Variants in SLC5A8 observed in about 807,000 individuals in gnomAD.
The protein encoded by SLC5A8 is solute carrier family 5 member 8, also known as sodium-coupled monocarboxylate transporter 1.
In SLC5A8, 55 loss-of-function variants were observed where a neutral mutation model predicts 71.9. The observed-to-expected ratio is 0.77, with a 90% CI of 0.62 to 0.96. The LOEUF (loss-of-function observed/expected upper bound fraction) is 0.96, where lower values mean the gene tolerates loss of function less well. SLC5A8 is among the 40% of genes least tolerant of loss of function. SLC5A8 has a pLI of 0.00. For synonymous variants in SLC5A8, 307 were observed against 276.1 expected (o/e 1.11, Z -1.11); for missense variants, 701 against 745.3 (o/e 0.94, Z 0.69).
rs1869031971 is a variant in SLC5A8 at position 101,193,714 on chromosome 12, T to C, written c.603A>G (p.Ala201=). 6.2e-7 allele frequency: 1 copy of C among 1,614,082 alleles called. No individual in the cohort carries two copies. The highest frequency in any genetic ancestry group is 8.5e-7 in the Non-Finnish European group (1 of 1,180,040). The change falls in exon 5 of 15, where the codon GCA becomes GCG. Residue 201 remains alanine, a synonymous_variant. Transcript: ENST00000536262. Reference sequence around the variant, plus strand: ...TCACCACAGCCTGTATAATCACGGATGCAAATCCAGCCACCATGATCCCAA... The same window carrying C: ...TCACCACAGCCTGTATAATCACGGACGCAAATCCAGCCACCATGATCCCAA... ...FQVGIMVAGF[A]SVIIQAVVMQ...
chr12:101,157,594 T>C (rs1798059172), intron 14 of SLC5A8, among the ~76,000 whole-genome samples, 193 bp from the exon 15 acceptor site: 2 of 152,134 alleles, frequency 1.3e-5, no homozygotes, highest in Admixed American at 1.3e-4. Context: ...TATCAGAAGA[T>C]AGATACAAAA....
At chr12:101,176,581 G>A (rs148293196) in intron 10 of SLC5A8, among the ~76,000 whole-genome samples, 114 of 152,072 alleles carry the variant, frequency 7.5e-4, no homozygotes, top group Non-Finnish European at 1.4e-3. Context: ...AAATCATAAA[G>A]AGTGTGTTCT....
intron 13 of SLC5A8, among the ~76,000 whole-genome samples, chr12:101,160,709 C>G (rs1253526593): frequency 1.3e-5 from 2 of 152,042 alleles, no homozygotes; most frequent in Admixed American, 6.6e-5. Flanking sequence ...ACAGACTATT[C>G]TCAAAATTGG....
At chr12:101,181,646 T>A (rs1307510182) in intron 9 of SLC5A8, among the ~76,000 whole-genome samples, 1 of 152,206 alleles carries the variant, frequency 6.6e-6, no homozygotes, top group East Asian at 1.9e-4. Context: ...GCTAGTAAAT[T>A]AACAAAGCAA....
At chr12:101,197,252 A>G (rs1318379651) in intron 3 of SLC5A8, among the ~76,000 whole-genome samples, 2 of 152,254 alleles carry the variant, frequency 1.3e-5, no homozygotes, top group African/African-American at 4.8e-5. Context: ...TTCTCTTTAT[A>G]GCAGTATTCC....
chr12:101,181,250 C>T (rs775630976), intron 9 of SLC5A8, among the ~76,000 whole-genome samples: 14 of 152,070 alleles, frequency 9.2e-5, no homozygotes, highest in South Asian at 8.3e-4. Flanking sequence ...ATGATTTTTA[C>T]GCCTCTCAAT....
rs1440482159 is a variant in SLC5A8 at position 101,157,052 on chromosome 12, A to G, written c.*227T>C. On this transcript the variant is annotated 3_prime_UTR_variant, in exon 15 of 15. Coordinates refer to ENST00000536262, the MANE Select transcript of SLC5A8 (RefSeq NM_145913.5). ...TTTTCACAATTATAGCTTCATCGAA[A>G]TAAAGGAAAGAGAGGGAAATGTCAA... is the stretch of plus-strand genomic sequence containing the variant. 2 of 471,388 alleles carry G rather than the reference A, an allele frequency of 4.2e-6. No individual in the cohort carries two copies. Among genetic ancestry groups the G allele is most frequent in the Non-Finnish European group, 7.4e-6 (2 of 268,838 alleles). The allele number at this position is 471,388 out of a possible 1,614,324, so 29.2% of individuals were successfully genotyped here. A position where few individuals can be genotyped will look rare whatever the true frequency, so the allele number is the denominator to read the frequency against.
At chr12:101,191,435 G>A (rs546208448) in intron 5 of SLC5A8, among the ~76,000 whole-genome samples, 7 of 152,160 alleles carry the variant, frequency 4.6e-5, no homozygotes, top group Non-Finnish European at 7.4e-5. Flanking sequence ...GATCAGTTAA[G>A]TGCTCTAATT....
chr12:101,195,230 A>T (rs1869119556), intron 3 of SLC5A8, 68 bp from the exon 4 acceptor site: 1 of 1,524,512 alleles, frequency 6.6e-7, no homozygotes. Flanking sequence ...CTCAAAAATC[A>T]TCAGAGAAGG....
chr12:101,178,269 C>T (rs763210229), intron 10 of SLC5A8, among the ~76,000 whole-genome samples: 1 of 151,978 alleles, frequency 6.6e-6, no homozygotes, highest in Non-Finnish European at 1.5e-5. Flanking sequence ...AATATTTAAG[C>T]AAGATTTTTT....
chr12:101,209,358 A>AAGGG, intron 1 of SLC5A8, 140 bp downstream of exon 1: 1 of 659,910 alleles, frequency 1.5e-6, no homozygotes, highest in Non-Finnish European at 2.5e-6. Context: ...GGGAGGAGTG[A>AAGGG]AGGGAGGGTG....
chr12:101,185,045 T>C (rs1868570856), intron 7 of SLC5A8, among the ~76,000 whole-genome samples: 1 of 152,206 alleles, frequency 6.6e-6, no homozygotes, highest in Non-Finnish European at 1.5e-5. Context: ...ACAGAGTAGA[T>C]GACATGTCCT....
In SLC5A8 at chr12:101,209,518, C is replaced by G. The variant is rs142523691; in HGVS notation, c.331G>C (p.Gly111Arg). The G allele has an allele frequency of 3.0e-4, 478 of 1,609,238 alleles. 3 individuals carry two copies. The African/African-American group carries it at 5.7e-3, about 19-fold the overall frequency. Reference sequence around the variant, plus strand: ...CTTACCTCGTAGGTGCTGGTAATTCCCAGTTTGTAGAACACCGGGAGGAAG... The same window carrying G: ...CTTACCTCGTAGGTGCTGGTAATTCGCAGTTTGTAGAACACCGGGAGGAAG... ...EVFLPVFYKL[G>R]ITSTYEYLEL... The change falls in exon 1 of 15, where the codon GGA (glycine) becomes CGA (arginine). Residue 111 changes from glycine (G) to arginine (R), a missense_variant. Coordinates refer to ENST00000536262, the MANE Select transcript of SLC5A8 (RefSeq NM_145913.5).
At chr12:101,188,278 A>G (rs888461862) in intron 6 of SLC5A8, among the ~76,000 whole-genome samples, 1 of 152,208 alleles carries the variant, frequency 6.6e-6, no homozygotes, top group Admixed American at 6.5e-5. Flanking sequence ...ACCCCTGTTA[A>G]ATACTAGTTA....
chr12:101,209,968 T>A lies in SLC5A8; in HGVS notation c.-120A>T. On this transcript the variant is annotated 5_prime_UTR_variant, in exon 1 of 15. Coordinates refer to ENST00000536262, the MANE Select transcript of SLC5A8 (RefSeq NM_145913.5). Reference sequence around the variant, plus strand: ...CGCAGGCGTGGCGTCCCGCGGGGACTGGAGGCGTCCTCCAGGTGTCGGCCT... The same window carrying A: ...CGCAGGCGTGGCGTCCCGCGGGGACAGGAGGCGTCCTCCAGGTGTCGGCCT... The A allele has an allele frequency of 1.1e-6, 1 of 916,070 alleles. No homozygotes were observed. Among genetic ancestry groups the A allele is most frequent in the Non-Finnish European group, 1.5e-6 (1 of 647,198 alleles). 56.7% of individuals were successfully genotyped at this position (916,070 alleles called of 1,614,324 possible). A position where few individuals can be genotyped will look rare whatever the true frequency, so the allele number is the denominator to read the frequency against.
chr12:101,157,142 T>G lies in SLC5A8; in HGVS notation c.*137A>C, dbSNP rs1433223318. ...TGTAGTAAATGAAGATAGTCCAGAC[T>G]TTGTTTTAACAAAAACTTATCCCCC... On this transcript the variant is annotated 3_prime_UTR_variant, in exon 15 of 15. Transcript: ENST00000536262. 1 of 990,504 alleles carries G rather than the reference T, an allele frequency of 1.0e-6. No individual in the cohort carries two copies. Among genetic ancestry groups the G allele is most frequent in the African/African-American group, 1.6e-5 (1 of 61,382 alleles). 61.4% of individuals were successfully genotyped at this position (990,504 alleles called of 1,614,324 possible).
At chr12:101,174,609 T>C (rs750098201) in intron 10 of SLC5A8, among the ~76,000 whole-genome samples, 4 of 152,210 alleles carry the variant, frequency 2.6e-5, no homozygotes, top group Non-Finnish European at 5.9e-5. Context: ...GTGGCTTTTT[T>C]TTCCTGGAAA....
chr12:101,171,615 G>C (rs1399906324), intron 10 of SLC5A8, among the ~76,000 whole-genome samples: 1 of 152,182 alleles, frequency 6.6e-6, no homozygotes, highest in Non-Finnish European at 1.5e-5. Context: ...GGGAGATCAT[G>C]AGAATGGGGT....
In SLC5A8 at chr12:101,157,087, T is replaced by A. The variant is rs1369217905; in HGVS notation, c.*192A>T. ...GAGAGGGAAATGTCAATGCCAGAAT[T>A]CTAAACTCCAGAGTAACATCAATTA... On this transcript the variant is annotated 3_prime_UTR_variant, in exon 15 of 15. Coordinates refer to ENST00000536262, the MANE Select transcript of SLC5A8 (RefSeq NM_145913.5). The A allele has an allele frequency of 7.3e-6, 4 of 546,300 alleles. No individual in the cohort carries two copies. The East Asian group carries it at 8.7e-5, about 12-fold the overall frequency. 33.8% of individuals were successfully genotyped at this position (546,300 alleles called of 1,614,324 possible). A position where few individuals can be genotyped will look rare whatever the true frequency, so the allele number is the denominator to read the frequency against.
Sources: gnomAD v4.1 joint callset for allele counts (sites outside exome capture counted in the v4.1 genomes callset) on GRCh38, gnomAD v4.1.1 for gene constraint, MANE v1.5 for transcripts, NCBI Gene and HGNC (gene_info 2026-07-23, HGNC 2026-07-21) for gene names.